The following ANO2 variants were observed in gnomAD, a reference collection of about 807,000 sequenced individuals.
ANO2 encodes the protein anoctamin-2.
ANO2 carries 101 observed loss-of-function variants against 124.2 expected under a neutral mutation model. The observed-to-expected ratio is 0.81, with a 90% CI of 0.69 to 0.96. The LOEUF (loss-of-function observed/expected upper bound fraction) is 0.96, where lower values mean the gene tolerates loss of function less well. ANO2 is among the 40% of genes least tolerant of loss of function. ANO2 has a pLI of 0.00. For missense variants in ANO2, 1,293 were observed against 1,274.5 expected (o/e 1.01, Z -0.22); for synonymous variants, 486 against 482.5 (o/e 1.01, Z -0.09).
At chr12:5,798,798 ACT>A (rs1952950235) in intron 10 of ANO2, among the ~76,000 whole-genome samples, 1 of 152,142 alleles carries the variant, frequency 6.6e-6, no homozygotes, top group Non-Finnish European at 1.5e-5. Context: ...ACGTCTCCAG[ACT>A]CTCAGCCCAG....
chr12:5,797,074 TCCGTCA>T (rs1952884691), intron 10 of ANO2, among the ~76,000 whole-genome samples: 1 of 152,178 alleles, frequency 6.6e-6, no homozygotes, highest in South Asian at 2.1e-4. Flanking sequence ...ATTCCCCTGC[TCCGTCA>T]CTCTTCCAGC....
At chr12:5,882,635 C>T (rs146490721) in intron 3 of ANO2, among the ~76,000 whole-genome samples, 3 of 152,182 alleles carry the variant, frequency 2.0e-5, no homozygotes, top group Non-Finnish European at 4.4e-5. Context: ...TTGGAGGAAA[C>T]GTCAAAGGTG....
chr12:5,636,234 C>T lies in ANO2; in HGVS notation c.1621-887G>A, dbSNP rs1367415682. Among the ~76,000 whole-genome samples, 1 of 152,166 alleles carries T rather than the reference C, an allele frequency of 6.6e-6. No individual in the cohort carries two copies. Among genetic ancestry groups the T allele is most frequent in the Non-Finnish European group, 1.5e-5 (1 of 68,032 alleles). The stretch of plus-strand genomic sequence containing the variant: ...TAGACCTAGATCTGCCCAACAGCCC[C>T]TCTTCCTTCTTCTGTCCCCACGTCC... On this transcript the variant is annotated intron_variant, in intron 15 of 24. Transcript: ENST00000682330. The surrounding 1 kb of genome is among the most constrained non-coding windows in gnomAD (Gnocchi z 4.6).
chr12:5,795,776 G>C (rs1952827055), intron 10 of ANO2, among the ~76,000 whole-genome samples: 2 of 152,154 alleles, frequency 1.3e-5, no homozygotes, highest in Admixed American at 6.5e-5. Flanking sequence ...TTACGGCCCT[G>C]ACTAGTATTG....
At position 5,683,767 on chromosome 12, in the gene ANO2, G is replaced by A. The variant is rs1240902026; in HGVS notation, c.1546-35966C>T. Among the ~76,000 whole-genome samples, 3 of 151,996 alleles carry A rather than the reference G, an allele frequency of 2.0e-5. No individual in the cohort carries two copies. In the East Asian group the frequency reaches 5.8e-4, roughly 29 times the overall value. On this transcript the variant is annotated intron_variant, in intron 14 of 24. Coordinates refer to ENST00000682330, the MANE Select transcript of ANO2 (RefSeq NM_001364791.2). The stretch of plus-strand genomic sequence containing the variant: ...TCGGTGTAAGAGAACTTTAGAGGAG[G>A]GAGGAGAGAGAACTCAGTGAGGACA...
intron 4 of ANO2, among the ~76,000 whole-genome samples, chr12:5,852,542 A>G (rs935702969): frequency 2.0e-5 from 3 of 152,132 alleles, no homozygotes; most frequent in Non-Finnish European, 2.9e-5. Flanking sequence ...CAAGTAGAGG[A>G]TTCATGATGG....
chr12:5,940,943 T>C lies in ANO2; in HGVS notation c.22+4253A>G, dbSNP rs190985502. Among the ~76,000 whole-genome samples the C allele has an allele frequency of 2.6e-4, 39 of 152,324 alleles. No homozygotes were observed. The East Asian group carries it at 6.2e-3, about 24-fold the overall frequency. ...TATAAAAAAGAATGAAGTACCGATA[T>C]GTGTAACAATACACATTAACCTTGA... On this transcript the variant is annotated intron_variant, in intron 1 of 24. Transcript: ENST00000682330.
At chr12:5,740,370 G>A in intron 12 of ANO2, 1 of 169,598 alleles carries the variant, frequency 5.9e-6, no homozygotes, top group East Asian at 1.6e-4. Flanking sequence ...CTTGTCTCTT[G>A]CTTTCTTAAA....
rs1565747976 is a variant in ANO2, at chr12:5,884,094, C to A, written c.535-29953G>T. Among the ~76,000 whole-genome samples, 7 of 152,156 alleles carry A rather than the reference C, an allele frequency of 4.6e-5. No homozygotes were observed. The East Asian group carries it at 7.7e-4, about 17-fold the overall frequency. On this transcript the variant is annotated intron_variant, in intron 3 of 24. Coordinates refer to ENST00000682330, the MANE Select transcript of ANO2 (RefSeq NM_001364791.2). Reference sequence around the variant, plus strand: ...AGGGACAGTCTTCCTCCAGACCCTGCACACTTAACTATGACATTATATGGC... The same window carrying A: ...AGGGACAGTCTTCCTCCAGACCCTGAACACTTAACTATGACATTATATGGC...
At chr12:5,622,400 T>C (rs1052589454) in intron 16 of ANO2, among the ~76,000 whole-genome samples, 3 of 152,196 alleles carry the variant, frequency 2.0e-5, no homozygotes, top group Non-Finnish European at 4.4e-5. Context: ...TGAGCCACCA[T>C]AAACAAGGAG....
At chr12:5,927,277 A>G (rs543417577) in intron 1 of ANO2, among the ~76,000 whole-genome samples, 6 of 152,290 alleles carry the variant, frequency 3.9e-5, no homozygotes, top group Middle Eastern at 3.4e-3. Flanking sequence ...TGGCTGTTTC[A>G]TATCAGTGGC....
rs1037077580 is a variant in ANO2 at position 5,862,781 on chromosome 12, C to T, written c.535-8640G>A. On this transcript the variant is annotated intron_variant, in intron 3 of 24. Coordinates refer to ENST00000682330, the MANE Select transcript of ANO2 (RefSeq NM_001364791.2). This position sits in a 1 kb window ranked among gnomAD's most constrained non-coding sequence, Gnocchi z 4.0. ...GATCTGATGGTTTTATAAGGGAAAA[C>T]CTCTTTCTTTCTTTCTTTCTTTTTT... Among the ~76,000 whole-genome samples the T allele has an allele frequency of 6.6e-6, 1 of 151,462 alleles. No homozygotes were observed. Among genetic ancestry groups the T allele is most frequent in the Non-Finnish European group, 1.5e-5 (1 of 67,904 alleles).
intron 15 of ANO2, among the ~76,000 whole-genome samples, chr12:5,643,790 G>A (rs907301864): frequency 6.6e-6 from 1 of 152,144 alleles, no homozygotes; most frequent in African/African-American, 2.4e-5. Context: ...TTACTAATGA[G>A]ATTGGGTACC....
intron 11 of ANO2, among the ~76,000 whole-genome samples, chr12:5,748,736 T>C (rs1285505824): frequency 6.6e-6 from 1 of 152,024 alleles, no homozygotes; most frequent in African/African-American, 2.4e-5. Context: ...TCATGCCTCA[T>C]GCTAGATGCA....
At chr12:5,607,206 T>A (rs1252233409) in intron 19 of ANO2, among the ~76,000 whole-genome samples, 1 of 152,064 alleles carries the variant, frequency 6.6e-6, no homozygotes, top group Admixed American at 6.5e-5. Context: ...AAAACGACTG[T>A]CCCTGAGTTG....
intron 14 of ANO2, among the ~76,000 whole-genome samples, chr12:5,678,793 T>C (rs1948365552): frequency 2.0e-5 from 3 of 152,344 alleles, no homozygotes; most frequent in Non-Finnish European, 4.4e-5. Flanking sequence ...CAGCTTAAAA[T>C]TTGCAGATAT....
chr12:5,894,206 T>C (rs140730415), intron 3 of ANO2, among the ~76,000 whole-genome samples: 70 of 152,378 alleles, frequency 4.6e-4, no homozygotes, highest in African/African-American at 1.6e-3. Context: ...TGGTATCTCA[T>C]TGTGGTTTTC....
intron 3 of ANO2, among the ~76,000 whole-genome samples, chr12:5,859,534 C>T (rs982675976): frequency 7.3e-5 from 11 of 151,380 alleles, no homozygotes; most frequent in African/African-American, 2.4e-4. Flanking sequence ...TCACCGGTCT[C>T]TCTCTCTTTT....
intron 1 of ANO2, among the ~76,000 whole-genome samples, chr12:5,941,362 C>T (rs533553254): frequency 4.0e-5 from 6 of 151,758 alleles, no homozygotes; most frequent in Admixed American, 1.3e-4. Flanking sequence ...AAACTGGAGA[C>T]GGCAGAGAAA....
Sources: gnomAD v4.1 joint callset for allele counts (sites outside exome capture counted in the v4.1 genomes callset) on GRCh38, gnomAD v4.1.1 for gene constraint, Gnocchi (gnomAD v3.1) non-coding constraint, MANE v1.5 for transcripts, NCBI Gene and HGNC (gene_info 2026-07-23, HGNC 2026-07-21) for gene names.